Variants in ZKSCAN5 observed in about 807,000 individuals in gnomAD.
ZKSCAN5 encodes zinc finger with KRAB and SCAN domains 5.
ZKSCAN5 carries 28 observed loss-of-function variants against 60.0 expected under a neutral mutation model. The observed-to-expected ratio is 0.47, with a 90% CI of 0.35 to 0.64. ZKSCAN5 has a LOEUF of 0.64. Among genes scored for constraint, ZKSCAN5 ranks in the 30% least tolerant of loss-of-function variants. The pLI is 0.01. For missense variants in ZKSCAN5, 881 were observed against 1,034.6 expected (o/e 0.85, Z 2.04); for synonymous variants, 361 against 371.2 (o/e 0.97, Z 0.31).
intron 3 of ZKSCAN5, among the ~76,000 whole-genome samples, chr7:99,516,405 T>C (rs1417421808): frequency 6.6e-6 from 1 of 152,178 alleles, no homozygotes; most frequent in East Asian, 1.9e-4. Context: ...CGGTTTCAGA[T>C]CCCTTCTCTG....
intron 4 of ZKSCAN5, 55 bp from the exon 5 acceptor site, chr7:99,520,112 CCT>C: frequency 6.3e-7 from 1 of 1,598,348 alleles, no homozygotes. Flanking sequence ...CAGTTCTTCC[CCT>C]CACTCCAAAT....
intron 3 of ZKSCAN5, among the ~76,000 whole-genome samples, chr7:99,516,862 A>G (rs1231740562): frequency 1.3e-5 from 2 of 152,128 alleles, no homozygotes; most frequent in Non-Finnish European, 2.9e-5. Flanking sequence ...TCCCACGGGA[A>G]CTTGGGTCAC....
intron 6 of ZKSCAN5, among the ~76,000 whole-genome samples, chr7:99,530,351 A>G (rs1351946767): frequency 1.3e-5 from 2 of 152,062 alleles, no homozygotes; most frequent in African/African-American, 4.8e-5. Context: ...CTTCTTAATA[A>G]TGGCCATTCT....
rs1401316929 is a variant in ZKSCAN5 at position 99,526,137 on chromosome 7, G to A, written c.1097G>A (p.Arg366His). ...LQASNFIQHR[R>H]IHTGEKPFKC... is the part of the protein sequence containing the mutation. ...GCCTCAAACTTTATTCAGCATCGGCGCATCCACACTGGAGAAAAACCGTTT... is the reference window on the plus strand; with the variant it reads ...GCCTCAAACTTTATTCAGCATCGGCACATCCACACTGGAGAAAAACCGTTT... Residue 366 changes from arginine (R) to histidine (H), a missense_variant, in exon 6 of 7, where the codon CGC (arginine) becomes CAC (histidine). Around this residue, in one of 5 missense-constraint regions of ZKSCAN5, gnomAD observed 490 missense variants for 554.5 expected, o/e 0.88. Transcript: ENST00000326775. 1.3e-5 allele frequency: 21 copies of A among 1,614,190 alleles called. No homozygotes were observed. The Middle Eastern group carries it at 8.2e-4, about 63-fold the overall frequency.
At chr7:99,505,974 A>G (rs1800703049) in intron 1 of ZKSCAN5, 31 bp from the exon 2 acceptor site, 7 of 1,543,412 alleles carry the variant, frequency 4.5e-6, no homozygotes, top group Admixed American at 1.9e-5. Context: ...CCTTCAGAAG[A>G]TATTAAAGAG....
At chr7:99,513,041 T>G (rs1584174405) in intron 3 of ZKSCAN5, among the ~76,000 whole-genome samples, 2 of 138,402 alleles carry the variant, frequency 1.4e-5, no homozygotes, top group East Asian at 4.3e-4. Flanking sequence ...TGTGTTCTCA[T>G]TGTTCAGTTC....
At chr7:99,529,726 A>C (rs1050345244) in intron 6 of ZKSCAN5, among the ~76,000 whole-genome samples, 1 of 151,908 alleles carries the variant, frequency 6.6e-6, no homozygotes, top group Non-Finnish European at 1.5e-5. Context: ...GCCAACATCT[A>C]TTGTTTTTTG....
At chr7:99,522,342 T>C (rs1801573583) in intron 5 of ZKSCAN5, among the ~76,000 whole-genome samples, 1 of 152,190 alleles carries the variant, frequency 6.6e-6, no homozygotes, top group Non-Finnish European at 1.5e-5. Context: ...AGAGATAGTT[T>C]CTTTGAAGAT....
Position 99,531,236 on chromosome 7 carries a change from G to A in ZKSCAN5, c.1507G>A (p.Gly503Ser). The change falls in exon 7 of 7, where the codon GGC becomes AGC. Residue 503 changes from glycine (G) to serine (S), a missense_variant. Gly to Ser is a moderately conservative substitution (Grantham distance 56). Coordinates refer to ENST00000326775, the MANE Select transcript of ZKSCAN5 (RefSeq NM_145102.4). ...TTCTCAAGTTCAAGATTTTGGAGAA[G>A]GCTGTGAGTTTCAAGGCAAGCTGGA... ...NVSQVQDFGE[G>S]CEFQGKLDRK... 1.2e-6 allele frequency: 2 copies of A among 1,614,144 alleles called. No individual in the cohort carries two copies. Among genetic ancestry groups the A allele is most frequent in the Non-Finnish European group, 1.7e-6 (2 of 1,180,028 alleles).
intron 3 of ZKSCAN5, among the ~76,000 whole-genome samples, chr7:99,516,337 G>A (rs1357551228): frequency 1.3e-5 from 2 of 152,010 alleles, no homozygotes; most frequent in South Asian, 2.1e-4. Flanking sequence ...CTCTTCATTC[G>A]GACATAGACT....
At chr7:99,516,895 G>A (rs995036921) in intron 3 of ZKSCAN5, among the ~76,000 whole-genome samples, 1 of 152,118 alleles carries the variant, frequency 6.6e-6, no homozygotes, top group Non-Finnish European at 1.5e-5. Context: ...CACTCTTCAC[G>A]CTGTGCTGTA....
At position 99,519,874 on chromosome 7, in the gene ZKSCAN5, G is replaced by A. The variant is rs1250928952; in HGVS notation, c.601G>A (p.Glu201Lys). 1 of 1,614,082 alleles carries A rather than the reference G, an allele frequency of 6.2e-7. No homozygotes were observed. Among genetic ancestry groups the A allele is most frequent in the South Asian group, 1.1e-5 (1 of 91,076 alleles). The change falls in exon 4 of 7, where the codon GAG becomes AAG. Residue 201 changes from glutamate to lysine, a missense_variant. Glu to Lys is a moderately conservative substitution (Grantham distance 56). This residue lies in a region of ZKSCAN5 where 490 missense variants were observed against 554.5 expected (regional missense o/e 0.88). Transcript: ENST00000326775. The part of the protein sequence containing the change: ...VPSLPLKDSQ[E>K]LTASLLSTGS... ...TTCCCTTCCCCTGAAGGACAGCCAGGAGCTGACAGCTTCACTTCTCTCAAC... is the reference window on the plus strand; with the variant it reads ...TTCCCTTCCCCTGAAGGACAGCCAGAAGCTGACAGCTTCACTTCTCTCAAC...
intron 2 of ZKSCAN5, among the ~76,000 whole-genome samples, chr7:99,511,929 AC>A (rs1244802387): frequency 6.6e-6 from 1 of 152,024 alleles, no homozygotes; most frequent in East Asian, 1.9e-4. Flanking sequence ...AGCTGGGACT[AC>A]AGGCGCCCAC....
Position 99,534,290 on chromosome 7 carries a change from C to G in ZKSCAN5, c.*2041C>G, listed in dbSNP as rs1016671060. ...TGGTGCAATCACAGCTCACTGCAGC[C>G]TTGACCTCCCGGGCTCAAGTGGTCT... On this transcript the variant is annotated 3_prime_UTR_variant, in exon 7 of 7. Coordinates refer to ENST00000326775, the MANE Select transcript of ZKSCAN5 (RefSeq NM_145102.4). The G allele has an allele frequency of 1.3e-5, 2 of 152,318 alleles. No individual in the cohort carries two copies. The highest frequency in any genetic ancestry group is 4.8e-5 in the African/African-American group (2 of 41,460). The allele number at this position is 152,318 out of a possible 1,614,324, so 9.4% of individuals were successfully genotyped here. A position where few individuals can be genotyped will look rare whatever the true frequency, so the allele number is the denominator to read the frequency against.
intron 5 of ZKSCAN5, among the ~76,000 whole-genome samples, chr7:99,522,611 A>G (rs1251316678): frequency 6.6e-6 from 1 of 151,186 alleles, no homozygotes; most frequent in East Asian, 2.0e-4. Flanking sequence ...GTAGCTCCCG[A>G]GTAATTTTGG....
intron 6 of ZKSCAN5, among the ~76,000 whole-genome samples, chr7:99,530,805 C>T (rs1246510967): frequency 6.6e-6 from 1 of 151,998 alleles, no homozygotes; most frequent in Non-Finnish European, 1.5e-5. Flanking sequence ...ACCTGTAATC[C>T]CAGCACTTTG....
chr7:99,516,611 G>A (rs116543183), intron 3 of ZKSCAN5, among the ~76,000 whole-genome samples: 1,911 of 152,212 alleles, frequency 0.013, 39 homozygotes, highest in African/African-American at 0.044. Flanking sequence ...CATGTGGATG[G>A]TGAGATCCAG....
chr7:99,527,031 A>G (rs2151115219), intron 6 of ZKSCAN5, among the ~76,000 whole-genome samples: 1 of 152,170 alleles, frequency 6.6e-6, no homozygotes, highest in East Asian at 1.9e-4. Flanking sequence ...TATTTTACTT[A>G]TTTTAAAACA....
At position 99,519,864 on chromosome 7, in the gene ZKSCAN5, G is replaced by A. The variant is rs1423958089; in HGVS notation, c.591G>A (p.Lys197=). The A allele has an allele frequency of 6.2e-7, 1 of 1,613,976 alleles. No homozygotes were observed. The highest frequency in any genetic ancestry group is 8.5e-7 in the Non-Finnish European group (1 of 1,180,044). The change falls in exon 4 of 7, where the codon AAG becomes AAA. Residue 197 remains lysine, a synonymous_variant. Transcript: ENST00000326775. Reference sequence around the variant, plus strand: ...TCCAAGTTCCTTCCCTTCCCCTGAAGGACAGCCAGGAGCTGACAGCTTCAC... The same window carrying A: ...TCCAAGTTCCTTCCCTTCCCCTGAAAGACAGCCAGGAGCTGACAGCTTCAC... ...PVLQVPSLPL[K]DSQELTASLL...
Sources: allele counts gnomAD v4.1 joint callset (sites outside exome capture counted in the v4.1 genomes callset), GRCh38; gene constraint gnomAD v4.1.1; regional missense constraint gnomAD v4.1.1; transcripts MANE v1.5; gene names NCBI Gene and HGNC (gene_info 2026-07-23, HGNC 2026-07-21).